The following TIAM1 variants were observed in gnomAD, a reference collection of about 807,000 sequenced individuals.
The protein encoded by TIAM1 is rho guanine nucleotide exchange factor TIAM1.
TIAM1 carries 65 observed loss-of-function variants against 163.5 expected under a neutral mutation model. The ratio of observed to expected loss-of-function variants is 0.40; its 90% CI spans 0.33 to 0.49. TIAM1 has a LOEUF of 0.49. Among genes scored for constraint, TIAM1 ranks in the 20% least tolerant of loss-of-function variants. The pLI is 0.77. For synonymous variants in TIAM1, 833 were observed against 810.1 expected, an observed-to-expected ratio of 1.03 and a Z score of -0.48; for missense variants, 1,789 against 2,044.7, an observed-to-expected ratio of 0.87 and a Z score of 2.41.
chr21:31,494,579 T>C (rs2046579158), intron 1 of TIAM1, among the ~76,000 whole-genome samples: 1 of 152,180 alleles, frequency 6.6e-6, no homozygotes, highest in Non-Finnish European at 1.5e-5. Flanking sequence ...GCACAGTGGC[T>C]TACGCCTGTA....
At chr21:31,459,666 T>G (rs912856616) in intron 2 of TIAM1, among the ~76,000 whole-genome samples, 1 of 152,138 alleles carries the variant, frequency 6.6e-6, no homozygotes, top group Non-Finnish European at 1.5e-5. Flanking sequence ...AATAACTTTC[T>G]CCAACAGGCT....
At chr21:31,303,948 A>T (rs553168380) in intron 2 of TIAM1, among the ~76,000 whole-genome samples, 1 of 152,338 alleles carries the variant, frequency 6.6e-6, no homozygotes, top group African/African-American at 2.4e-5. Flanking sequence ...ACTGCACTCC[A>T]GCCTGGGCAA....
intron 2 of TIAM1, among the ~76,000 whole-genome samples, chr21:31,378,992 G>C (rs2076734136): frequency 6.6e-6 from 1 of 152,098 alleles, no homozygotes; most frequent in Non-Finnish European, 1.5e-5. Flanking sequence ...TTTCAATTGA[G>C]ATGGAGTCTC....
chr21:31,359,306 G>A (rs2076364889), intron 2 of TIAM1, among the ~76,000 whole-genome samples: 1 of 151,936 alleles, frequency 6.6e-6, no homozygotes, highest in African/African-American at 2.4e-5. Flanking sequence ...CAAAGACAAG[G>A]GTCTTTGCCT....
chr21:31,551,518 C>T (rs2048687307), intron 1 of TIAM1, among the ~76,000 whole-genome samples: 1 of 151,924 alleles, frequency 6.6e-6, no homozygotes, highest in African/African-American at 2.4e-5. Context: ...GCAGGAGGAT[C>T]GCTTGAGTCC....
chr21:31,532,011 G>A (rs2284545), intron 1 of TIAM1, among the ~76,000 whole-genome samples: 9,032 of 152,098 alleles, frequency 0.059, 494 homozygotes, highest in Admixed American at 0.15. Flanking sequence ...CAGCTACTTA[G>A]GGAGCTGAGG....
At chr21:31,239,469 T>C (rs993011023) in intron 6 of TIAM1, among the ~76,000 whole-genome samples, 3 of 152,102 alleles carry the variant, frequency 2.0e-5, no homozygotes, top group East Asian at 1.9e-4. Context: ...AAAATTTTCA[T>C]GACATTATAG....
chr21:31,365,398 T>C (rs994018878), intron 2 of TIAM1, among the ~76,000 whole-genome samples: 1 of 149,034 alleles, frequency 6.7e-6, no homozygotes, highest in Non-Finnish European at 1.5e-5. Flanking sequence ...TTTTTTTTTT[T>C]TTTTTTTTGA....
intron 1 of TIAM1, among the ~76,000 whole-genome samples, chr21:31,340,841 A>ATC (rs2075994683): frequency 6.6e-6 from 1 of 151,994 alleles, no homozygotes; most frequent in African/African-American, 2.4e-5. Context: ...AGTGGGTAAG[A>ATC]TCCTTAGGAG....
At chr21:31,144,106 A>T (rs2082990449) in intron 20 of TIAM1, among the ~76,000 whole-genome samples, 1 of 152,174 alleles carries the variant, frequency 6.6e-6, no homozygotes, top group Non-Finnish European at 1.5e-5. Context: ...ATCCCTTTTA[A>T]GCCCCATTAA....
At chr21:31,467,154 C>T (rs2045563267) in intron 1 of TIAM1, among the ~76,000 whole-genome samples, 1 of 152,090 alleles carries the variant, frequency 6.6e-6, no homozygotes. Context: ...ATAGCAAGAC[C>T]CCATCTCCAT....
At chr21:31,380,716 G>T (rs183543987) in intron 2 of TIAM1, among the ~76,000 whole-genome samples, 1 of 152,156 alleles carries the variant, frequency 6.6e-6, no homozygotes, top group African/African-American at 2.4e-5. Flanking sequence ...ATAAAGAAAA[G>T]GAATAGACTC....
chr21:31,403,933 C>T (rs1602197592), intron 2 of TIAM1, among the ~76,000 whole-genome samples: 2 of 152,206 alleles, frequency 1.3e-5, no homozygotes, highest in African/African-American at 2.4e-5. Context: ...CTCAGCAAAG[C>T]GTGATGGGAT....
At chr21:31,354,073 C>G (rs2076278606) in intron 2 of TIAM1, among the ~76,000 whole-genome samples, 1 of 151,948 alleles carries the variant, frequency 6.6e-6, no homozygotes, top group East Asian at 1.9e-4. Flanking sequence ...CCCGACCTCA[C>G]ACAATCTGCC....
At chr21:31,320,244 C>T (rs2075268398) in intron 2 of TIAM1, among the ~76,000 whole-genome samples, 1 of 151,970 alleles carries the variant, frequency 6.6e-6, no homozygotes, top group Non-Finnish European at 1.5e-5. Context: ...AGACGAGGTA[C>T]CTGGAATAGG....
chr21:31,210,285 A>C, intron 10 of TIAM1, 70 bp from the exon 11 acceptor site: 1 of 1,525,834 alleles, frequency 6.6e-7, no homozygotes, highest in Non-Finnish European at 8.9e-7. Context: ...CCCAGACTGC[A>C]CACAGGAATC....
At chr21:31,507,691 A>G (rs374958764) in intron 1 of TIAM1, among the ~76,000 whole-genome samples, 200 of 152,328 alleles carry the variant, frequency 1.3e-3, no homozygotes, top group African/African-American at 4.6e-3. Context: ...TGGGACTCAC[A>G]GTCTAGCAGG....
intron 1 of TIAM1, among the ~76,000 whole-genome samples, chr21:31,489,905 T>C (rs560268361): frequency 2.6e-5 from 4 of 152,328 alleles, no homozygotes; most frequent in South Asian, 4.1e-4. Flanking sequence ...ATTACAATTG[T>C]CTTTCAGCAG....
intron 2 of TIAM1, among the ~76,000 whole-genome samples, chr21:31,457,421 G>T (rs2045146874): frequency 6.6e-6 from 1 of 152,098 alleles, no homozygotes. Context: ...TTGTCCAAAG[G>T]TCCCTCAAGA....
Sources: allele counts gnomAD v4.1 joint callset (sites outside exome capture counted in the v4.1 genomes callset), GRCh38; gene constraint gnomAD v4.1.1; transcripts MANE v1.5; gene names NCBI Gene and HGNC (gene_info 2026-07-23, HGNC 2026-07-21).